NIBAN1: variants seen among roughly 807,000 people sequenced by gnomAD.
The protein encoded by NIBAN1 is niban apoptosis regulator 1, also known as protein Niban 1.
Under a neutral mutation model 75.1 loss-of-function variants are expected in NIBAN1, and 81 were observed. That is an observed-to-expected ratio of 1.08 (90% CI 0.90 to 1.30). NIBAN1 has a LOEUF of 1.30. NIBAN1 is among the 50% of genes most tolerant of loss of function. The pLI, the probability that NIBAN1 is intolerant of heterozygous loss-of-function variation, is 0.00. For synonymous variants in NIBAN1, 436 were observed against 424.8 expected, an observed-to-expected ratio of 1.03 and a Z score of -0.32; for missense variants, 1,133 against 1,128.1, an observed-to-expected ratio of 1.00 and a Z score of -0.06.
At chr1:184,954,397 G>A (rs548706675) in intron 1 of NIBAN1, among the ~76,000 whole-genome samples, 1 of 152,300 alleles carries the variant, frequency 6.6e-6, no homozygotes, top group African/African-American at 2.4e-5. Context: ...CCCTTTAAGA[G>A]AAAATTCAGA....
In NIBAN1 at chr1:184,974,318, C is replaced by CT; in HGVS notation, c.38dup (p.Cys14ValfsTer9). Reference sequence around the variant, plus strand: ...CGGGCGTACCTCGGATGTAAGCGCACTTGCCCTCGTCCAGCTGGCTGGAGG... The same window carrying CT: ...CGGGCGTACCTCGGATGTAAGCGCACTTTGCCCTCGTCCAGCTGGCTGGAGG... On this transcript the variant is annotated frameshift_variant, in exon 1 of 14. Transcript: ENST00000367511. LOFTEE classifies it high-confidence loss of function. 6.4e-7 allele frequency: 1 copy of CT among 1,567,626 alleles called. No individual in the cohort carries two copies. Among genetic ancestry groups the CT allele is most frequent in the Non-Finnish European group, 8.6e-7 (1 of 1,163,806 alleles).
chr1:184,798,480 G>GGTCCCTTTCCCTTC, intron 12 of NIBAN1, among the ~76,000 whole-genome samples: 1 of 152,194 alleles, frequency 6.6e-6, no homozygotes, highest in Non-Finnish European at 1.5e-5. Flanking sequence ...CCTTGTACTG[G>GGTCCCTTTCCCTTC]CCACGCATTT....
In NIBAN1 at chr1:184,840,634, T is replaced by G. The variant is rs113819893; in HGVS notation, c.602-8672A>C. On this transcript the variant is annotated intron_variant, in intron 5 of 13. Transcript: ENST00000367511. ...TTGTCAATAAATATTAAAAGACTAT[T>G]TGTCAACAGCGAAAAGGAAGTGGTG... 4.7e-3 allele frequency among the ~76,000 whole-genome samples: 718 copies of G among 151,734 alleles called. 8 individuals carry two copies. The highest frequency in any genetic ancestry group is 0.016 in the African/African-American group (673 of 41,316).
chr1:184,910,059 C>T (rs1160171918), intron 1 of NIBAN1, among the ~76,000 whole-genome samples: 1 of 152,136 alleles, frequency 6.6e-6, no homozygotes, highest in African/African-American at 2.4e-5. Context: ...GGAAATTGCT[C>T]TTCCATAAGG....
At chr1:184,889,501 A>G (rs1656612773) in intron 4 of NIBAN1, among the ~76,000 whole-genome samples, 1 of 151,842 alleles carries the variant, frequency 6.6e-6, no homozygotes, top group Non-Finnish European at 1.5e-5. Context: ...TTTTTTGTCT[A>G]TTTAGGGTAT....
At chr1:184,862,639 AG>A (rs771792827) in intron 5 of NIBAN1, among the ~76,000 whole-genome samples, 30 of 152,244 alleles carry the variant, frequency 2.0e-4, no homozygotes, top group Non-Finnish European at 3.2e-4. Flanking sequence ...CCATGGCAGA[AG>A]GCATATCTTC....
chr1:184,829,195 T>G (rs930804899), intron 6 of NIBAN1, among the ~76,000 whole-genome samples: 15 of 152,088 alleles, frequency 9.9e-5, no homozygotes, highest in African/African-American at 3.4e-4. Flanking sequence ...ACTTAAAATG[T>G]TTTTTATCCT....
rs1416391377 is a variant in NIBAN1, at chr1:184,838,675, T to C, written c.602-6713A>G. Among the ~76,000 whole-genome samples, 3 of 148,094 alleles carry C rather than the reference T, an allele frequency of 2.0e-5. No individual in the cohort carries two copies. The South Asian group carries it at 6.2e-4, about 31-fold the overall frequency. On this transcript the variant is annotated intron_variant, in intron 5 of 13. Transcript: ENST00000367511. ...GGGGCCAGCCAGAGAGGAGCTGCTT[T>C]TATTTTTTTCCACTTATACAGATTT...
At chr1:184,881,536 T>C (rs1051412248) in intron 5 of NIBAN1, among the ~76,000 whole-genome samples, 5 of 152,020 alleles carry the variant, frequency 3.3e-5, no homozygotes, top group African/African-American at 1.2e-4. Flanking sequence ...GGTTCTTGGA[T>C]CTCGCGCAAG....
At chr1:184,915,787 G>A (rs1657369901) in intron 1 of NIBAN1, among the ~76,000 whole-genome samples, 1 of 152,136 alleles carries the variant, frequency 6.6e-6, no homozygotes, top group Non-Finnish European at 1.5e-5. Context: ...GAGACAGAGA[G>A]ACATAGGTTG....
rs764908261 is a variant in NIBAN1, at chr1:184,894,214, A to G, written c.187-8T>C. ...TCCAGGCGCCAATGGTGGCTTAAAG[A>G]AGATGAATACAATTAACTATCACAA... On this transcript the variant is annotated splice_polypyrimidine_tract_variant and splice_region_variant and intron_variant, in intron 2 of 13. Transcript: ENST00000367511. 1.9e-6 allele frequency: 3 copies of G among 1,595,180 alleles called. No homozygotes were observed. The highest frequency in any genetic ancestry group is 3.3e-4 in the Middle Eastern group (2 of 5,994).
chr1:184,948,390 C>T (rs1658281693), intron 1 of NIBAN1, among the ~76,000 whole-genome samples: 1 of 152,144 alleles, frequency 6.6e-6, no homozygotes, highest in African/African-American at 2.4e-5. Context: ...CTTCTGCTAC[C>T]AGGAGTCCAG....
chr1:184,973,767 T>C (rs1157671548), intron 1 of NIBAN1, among the ~76,000 whole-genome samples: 1 of 152,252 alleles, frequency 6.6e-6, no homozygotes, highest in Non-Finnish European at 1.5e-5. Flanking sequence ...CGGCATGACA[T>C]TGTCCTTTTT....
chr1:184,866,434 G>A (rs1168916424), intron 5 of NIBAN1, among the ~76,000 whole-genome samples: 1 of 152,186 alleles, frequency 6.6e-6, no homozygotes, highest in African/African-American at 2.4e-5. Context: ...TGAAAATAGT[G>A]TTATAATTCT....
intron 5 of NIBAN1, among the ~76,000 whole-genome samples, chr1:184,855,262 T>C (rs1655644922): frequency 6.6e-6 from 1 of 152,208 alleles, no homozygotes; most frequent in Non-Finnish European, 1.5e-5. Context: ...AAAGCTAATG[T>C]TTATTAAATA....
intron 1 of NIBAN1, among the ~76,000 whole-genome samples, chr1:184,957,570 T>C (rs984570174): frequency 2.0e-5 from 3 of 152,238 alleles, no homozygotes; most frequent in African/African-American, 7.2e-5. Context: ...TCATTTACTC[T>C]GCAAAGGCCT....
chr1:184,803,554 G>A (rs1348625615), intron 12 of NIBAN1, 31 bp downstream of exon 12: 4 of 1,562,002 alleles, frequency 2.6e-6, no homozygotes, highest in Non-Finnish European at 3.5e-6. Flanking sequence ...GGTAAGAAGA[G>A]CAAGCTCTTT....
intron 1 of NIBAN1, among the ~76,000 whole-genome samples, chr1:184,971,668 C>CA (rs889984651): frequency 2.4e-4 from 36 of 149,064 alleles, no homozygotes; most frequent in Admixed American, 7.3e-4. Context: ...GACTCTGTCT[C>CA]AAAAAAAAAG....
intron 1 of NIBAN1, among the ~76,000 whole-genome samples, chr1:184,899,814 T>A (rs890222518): frequency 7.0e-6 from 1 of 142,586 alleles, no homozygotes; most frequent in African/African-American, 2.8e-5. Flanking sequence ...TCTCTTTTTT[T>A]TTTTTTTTTT....
Sources: gnomAD v4.1 joint callset for allele counts (sites outside exome capture counted in the v4.1 genomes callset) on GRCh38, gnomAD v4.1.1 for gene constraint, MANE v1.5 for transcripts, NCBI Gene and HGNC (gene_info 2026-07-23, HGNC 2026-07-21) for gene names.